The following PCM1 variants were observed in gnomAD, a reference collection of about 807,000 sequenced individuals.
PCM1 encodes the protein pericentriolar material 1.
PCM1 carries 157 observed loss-of-function variants against 241.9 expected under a neutral mutation model. The ratio of observed to expected loss-of-function variants is 0.65; its 90% CI spans 0.57 to 0.74. PCM1 has a LOEUF of 0.74. PCM1 is among the 30% of genes least tolerant of loss of function. The pLI, the probability that PCM1 is intolerant of heterozygous loss-of-function variation, is 0.00. For synonymous variants in PCM1, 1,085 were observed against 784.9 expected (o/e 1.38, Z -6.39); for missense variants, 3,478 against 2,360.1 (o/e 1.47, Z -9.81).
intron 6 of PCM1, among the ~76,000 whole-genome samples, chr8:17,940,738 T>G (rs1476734966): frequency 1.3e-5 from 2 of 152,172 alleles, no homozygotes; most frequent in Admixed American, 6.5e-5. Flanking sequence ...AAAATGGAAT[T>G]TGTTGAAGTA....
Position 17,994,781 on chromosome 8 carries a change from G to A in PCM1, c.4827+1162G>A, listed in dbSNP as rs1034544435. Among the ~76,000 whole-genome samples the A allele has an allele frequency of 4.6e-5, 7 of 151,384 alleles. No individual in the cohort carries two copies. In the East Asian group the frequency reaches 9.6e-4, roughly 21 times the overall value. The stretch of plus-strand genomic sequence containing the variant: ...CGTTGTAGTTTTGATTGTCATTTCC[G>A]TGATCATGTTGAGCACCTTTTATGT... On this transcript the variant is annotated intron_variant, in intron 29 of 38. Transcript: ENST00000325083.
In PCM1 at chr8:18,008,147, G is replaced by A. The variant is rs55839527; in HGVS notation, c.4963-1400G>A. On this transcript the variant is annotated intron_variant, in intron 30 of 38. Transcript: ENST00000325083. ...ACCCCCAGGCTGGTGAGCAGCAGGC[G>A]AGTGAGCAAAGCTTCATCTGTATTT... Among the ~76,000 whole-genome samples the A allele has an allele frequency of 7.0e-3, 1,064 of 152,192 alleles. 12 individuals are homozygous for A. Among genetic ancestry groups the A allele is most frequent in the African/African-American group, 0.023 (970 of 41,510 alleles).
intron 1 of PCM1, 142 bp from the exon 2 acceptor site, chr8:17,924,565 CTTAAAT>C (rs1306536763): frequency 1.8e-4 from 27 of 152,178 alleles, no homozygotes; most frequent in African/African-American, 6.3e-4. Context: ...ATTGAGGTAA[CTTAAAT>C]TTAAAATATG....
chr8:17,958,208 T>A (rs1390005314), intron 13 of PCM1, among the ~76,000 whole-genome samples: 1 of 152,180 alleles, frequency 6.6e-6, no homozygotes, highest in Non-Finnish European at 1.5e-5. Context: ...AGACATTAAA[T>A]AGGTTAAAGA....
At chr8:17,980,142 A>G (rs1366704030) in intron 23 of PCM1, 1 of 152,382 alleles carries the variant, frequency 6.6e-6, no homozygotes, top group Admixed American at 6.5e-5. Context: ...TGTATAACCT[A>G]TCAGTGGGTA....
chr8:17,929,529 T>C (rs1197271127), intron 2 of PCM1, among the ~76,000 whole-genome samples: 1 of 152,224 alleles, frequency 6.6e-6, no homozygotes, highest in East Asian at 1.9e-4. Flanking sequence ...TTTCTAAAAC[T>C]TGAACTCATC....
At chr8:17,985,422 C>G (rs2082272798) in intron 24 of PCM1, 25 bp from the exon 25 acceptor site, 1 of 1,513,802 alleles carries the variant, frequency 6.6e-7, no homozygotes, top group African/African-American at 1.4e-5. Context: ...TCAATATTAA[C>G]TTTCTGGTCT....
At chr8:17,969,791 T>C (rs1468137233) in intron 22 of PCM1, 43 bp downstream of exon 22, 1 of 1,400,430 alleles carries the variant, frequency 7.1e-7, no homozygotes, top group Non-Finnish European at 1.0e-6. Context: ...ACATTCACTT[T>C]TGTGATTACA....
chr8:17,998,975 A>G (rs958715030), intron 29 of PCM1, among the ~76,000 whole-genome samples: 2 of 151,948 alleles, frequency 1.3e-5, no homozygotes, highest in African/African-American at 4.8e-5. Context: ...GCTAATATTC[A>G]TTTAAAGCCC....
chr8:18,022,767 CAT>C (rs1372062352), intron 36 of PCM1, among the ~76,000 whole-genome samples: 1 of 152,148 alleles, frequency 6.6e-6, no homozygotes, highest in Non-Finnish European at 1.5e-5. Context: ...TATAATGACA[CAT>C]ATTTAAAATC....
chr8:17,929,152 A>G (rs1294665078), intron 2 of PCM1, among the ~76,000 whole-genome samples: 4 of 152,068 alleles, frequency 2.6e-5, no homozygotes, highest in African/African-American at 9.7e-5. Flanking sequence ...ACCAAAGTCA[A>G]CAGTAACCTT....
chr8:17,938,677 G>A, intron 4 of PCM1, 63 bp from the exon 5 acceptor site: 4 of 1,333,940 alleles, frequency 3.0e-6, no homozygotes, highest in Admixed American at 3.6e-5. Flanking sequence ...GAACATTGGG[G>A]TTAAAACAAA....
In PCM1 at chr8:17,930,134, C is replaced by T. The variant is rs528996649; in HGVS notation, c.-23+5354C>T. On this transcript the variant is annotated intron_variant, in intron 2 of 38. Coordinates refer to ENST00000325083, the MANE Select transcript of PCM1 (RefSeq NM_006197.4). ...TTTTTTTTTTTTTGAGACAGAGTCTCGCTCTTCCGCCCAGGCCGGAGTGCA... is the reference window on the plus strand; with the variant it reads ...TTTTTTTTTTTTTGAGACAGAGTCTTGCTCTTCCGCCCAGGCCGGAGTGCA... Among the ~76,000 whole-genome samples, 73 of 144,034 alleles carry T rather than the reference C, an allele frequency of 5.1e-4. 1 individual carries two copies. The highest frequency in any genetic ancestry group is 3.9e-3 in the Admixed American group (56 of 14,180). The allele number at this position is 144,034 out of a possible 152,430, so 94.5% of individuals were successfully genotyped here.
At chr8:17,967,798 C>G (rs181177119) in intron 21 of PCM1, among the ~76,000 whole-genome samples, 23 of 152,222 alleles carry the variant, frequency 1.5e-4, no homozygotes, top group African/African-American at 5.5e-4. Flanking sequence ...TAAAGGAGTA[C>G]CATGTCTTGT....
chr8:17,993,665 T>G, intron 29 of PCM1, 46 bp downstream of exon 29: 1 of 1,499,446 alleles, frequency 6.7e-7, no homozygotes, highest in South Asian at 1.3e-5. Flanking sequence ...TATGTTTTGT[T>G]TTTTAATTCA....
chr8:17,947,324 C>T lies in PCM1; in HGVS notation c.922C>T (p.His308Tyr), dbSNP rs200405638. 1 of 1,610,724 alleles carries T rather than the reference C, an allele frequency of 6.2e-7. No individual in the cohort carries two copies. Among genetic ancestry groups the T allele is most frequent in the Admixed American group, 1.7e-5 (1 of 59,486 alleles). The stretch of plus-strand genomic sequence containing the variant: ...GCAGGCTGCACTTCTAGCTCTGCAA[C>T]ATAAAGCAGAGCAAGCTATTGCAGT... ...GRQAALLALQHKAEQAIAVMD... is the reference protein window; with the variant it reads ...GRQAALLALQYKAEQAIAVMD... The change falls in exon 7 of 39, where the codon CAT becomes TAT. Residue 308 changes from histidine (H) to tyrosine (Y), a missense_variant. Transcript: ENST00000325083.
intron 23 of PCM1, among the ~76,000 whole-genome samples, chr8:17,977,662 G>C (rs1177846195): frequency 6.6e-6 from 1 of 152,126 alleles, no homozygotes; most frequent in Admixed American, 6.6e-5. Flanking sequence ...CAAGCTACTA[G>C]TTGGCAGAAA....
At chr8:17,954,822 T>C (rs948443874) in intron 9 of PCM1, among the ~76,000 whole-genome samples, 1 of 152,180 alleles carries the variant, frequency 6.6e-6, no homozygotes, top group Non-Finnish European at 1.5e-5. Flanking sequence ...GTAATTAAAT[T>C]TAGTTCAAGG....
chr8:17,924,720 C>G lies in PCM1; in HGVS notation c.-83C>G, dbSNP rs1313346712. On this transcript the variant is annotated 5_prime_UTR_variant, in exon 2 of 39. Coordinates refer to ENST00000325083, the MANE Select transcript of PCM1 (RefSeq NM_006197.4). Reference sequence around the variant, plus strand: ...ATTTTTAATCCTAATTAGGAAACAGCTTTGAAGTGTGGAGCGGGAAAGGAG... The same window carrying G: ...ATTTTTAATCCTAATTAGGAAACAGGTTTGAAGTGTGGAGCGGGAAAGGAG... 1.3e-5 allele frequency: 2 copies of G among 152,262 alleles called. No homozygotes were observed. The highest frequency in any genetic ancestry group is 3.9e-4 in the East Asian group (2 of 5,184). The allele number at this position is 152,262 out of a possible 1,614,324, so 9.4% of individuals were successfully genotyped here.
Sources: allele counts gnomAD v4.1 joint callset (sites outside exome capture counted in the v4.1 genomes callset), GRCh38; gene constraint gnomAD v4.1.1; transcripts MANE v1.5; gene names NCBI Gene and HGNC (gene_info 2026-07-23, HGNC 2026-07-21).